The following SLC25A36 variants were observed in gnomAD, a reference collection of about 807,000 sequenced individuals.
SLC25A36 encodes solute carrier family 25 member 36, also known as epididymis secretory sperm binding protein.
Under a neutral mutation model 35.3 loss-of-function variants are expected in SLC25A36, and 24 were observed. The ratio of observed to expected loss-of-function variants is 0.68; its 90% CI spans 0.49 to 0.96. The LOEUF is 0.96. Ranked by LOEUF, SLC25A36 falls within the 40% of genes least tolerant of loss-of-function variation. The pLI is 0.00. For synonymous variants in SLC25A36, 141 were observed against 132.2 expected (o/e 1.07, Z -0.46); for missense variants, 294 against 381.1 (o/e 0.77, Z 1.90).
At position 140,959,464 on chromosome 3, in the gene SLC25A36, G is replaced by A. The variant is rs1284500180; in HGVS notation, c.208G>A (p.Val70Met). 1.7e-5 allele frequency: 25 copies of A among 1,504,866 alleles called. No homozygotes were observed. Among genetic ancestry groups the A allele is most frequent in the Non-Finnish European group, 2.1e-5 (24 of 1,129,730 alleles). 93.2% of individuals were successfully genotyped at this position (1,504,866 alleles called of 1,614,324 possible). ...VSPGPLHCLK[V>M]ILEKEGPRSL... is the part of the protein sequence containing the mutation. ...TAGAATTTTTTTTCTCTCTTTCAGG[G>A]TGATCTTGGAAAAAGAAGGGCCTCG... is the stretch of plus-strand genomic sequence containing the variant. Residue 70 changes from valine (V) to methionine (M), a missense_variant and splice_region_variant, in exon 3 of 7, where the codon GTG (valine) becomes ATG (methionine). Transcript: ENST00000324194.
chr3:140,958,679 A>G (rs1002027864), intron 2 of SLC25A36, among the ~76,000 whole-genome samples: 4 of 152,212 alleles, frequency 2.6e-5, no homozygotes, highest in Non-Finnish European at 5.9e-5. Context: ...ATACTGTAGT[A>G]GTAAGAAGTA....
intron 6 of SLC25A36, among the ~76,000 whole-genome samples, chr3:140,975,405 G>C (rs889903328): frequency 6.6e-6 from 1 of 152,036 alleles, no homozygotes; most frequent in Non-Finnish European, 1.5e-5. Context: ...CACCACACCT[G>C]TCCAAACAGG....
chr3:140,950,519 ATCT>A (rs1259785833), intron 1 of SLC25A36, among the ~76,000 whole-genome samples: 9 of 151,862 alleles, frequency 5.9e-5, no homozygotes, highest in African/African-American at 1.9e-4. Context: ...CCCTACCACC[ATCT>A]TCTTTTAGTT....
At chr3:140,945,560 C>A (rs72991036) in intron 1 of SLC25A36, among the ~76,000 whole-genome samples, 1 of 152,060 alleles carries the variant, frequency 6.6e-6, no homozygotes, top group East Asian at 1.9e-4. Flanking sequence ...TCTTGAGACC[C>A]TTGTTGTGGT....
Position 140,956,810 on chromosome 3 carries a change from T to A in SLC25A36, c.206+119T>A, listed in dbSNP as rs1243372164. 2.1e-6 allele frequency: 3 copies of A among 1,404,836 alleles called. No homozygotes were observed. In the Admixed American group the frequency reaches 8.3e-5, roughly 39 times the overall value. 87.0% of individuals were successfully genotyped at this position (1,404,836 alleles called of 1,614,324 possible). ...TTTTTTATAAACCTATTTACAGAAG[T>A]TACTCTGAATTGTACTCATAAGGAA... On this transcript the variant is annotated intron_variant, in intron 2 of 6. Coordinates refer to ENST00000324194, the MANE Select transcript of SLC25A36 (RefSeq NM_001104647.3).
At position 140,956,506 on chromosome 3, in the gene SLC25A36, CTTTTTTT is replaced by C. The variant is rs75174363; in HGVS notation, c.42-9_42-3del. ...ATGAATTAAGTAGATAAGCTGTGTT[CTTTTTTT>C]TTTTTTTTTTTAGATGTGGTGGTAC... On this transcript the variant is annotated splice_polypyrimidine_tract_variant and intron_variant, in intron 1 of 6. Coordinates refer to ENST00000324194, the MANE Select transcript of SLC25A36 (RefSeq NM_001104647.3). 13 of 1,424,576 alleles carry C rather than the reference CTTTTTTT, an allele frequency of 9.1e-6. No individual in the cohort carries two copies. Among genetic ancestry groups the C allele is most frequent in the African/African-American group, 1.6e-5 (1 of 62,870 alleles). The allele number at this position is 1,424,576 out of a possible 1,614,324, so 88.2% of individuals were successfully genotyped here. A position where few individuals can be genotyped will look rare whatever the true frequency, so the allele number is the denominator to read the frequency against.
Position 140,973,798 on chromosome 3 carries a change from G to A in SLC25A36, c.535G>A (p.Gly179Ser). The change falls in exon 6 of 7, where the codon GGC (glycine) becomes AGC (serine). Residue 179 changes from glycine (G) to serine (S), a missense_variant. Physicochemically the swap from Gly to Ser is moderately conservative, Grantham distance 56 (BLOSUM62 0). Around this residue, in one of 2 missense-constraint regions of SLC25A36, gnomAD observed 109 missense variants for 179.7 expected, o/e 0.61. Coordinates refer to ENST00000324194, the MANE Select transcript of SLC25A36 (RefSeq NM_001104647.3). ...QTDGLKGFYR[G>S]MSASYAGISE... is the part of the protein sequence containing the mutation. ...AGATGGACTAAAAGGATTTTATAGGGGCATGTCTGCTTCATATGCTGGTAT... is the reference window on the plus strand; with the variant it reads ...AGATGGACTAAAAGGATTTTATAGGAGCATGTCTGCTTCATATGCTGGTAT... 1.2e-6 allele frequency: 2 copies of A among 1,613,108 alleles called. No individual in the cohort carries two copies. The highest frequency in any genetic ancestry group is 1.7e-6 in the Non-Finnish European group (2 of 1,179,486).
At chr3:140,952,363 C>G (rs145651133) in intron 1 of SLC25A36, among the ~76,000 whole-genome samples, 1 of 152,208 alleles carries the variant, frequency 6.6e-6, no homozygotes, top group East Asian at 1.9e-4. Context: ...GTTGCTTAGG[C>G]TGGTTTCAAA....
chr3:140,970,813 G>A (rs898152199), intron 4 of SLC25A36, 114 bp from the exon 5 acceptor site: 14 of 562,516 alleles, frequency 2.5e-5, no homozygotes, highest in Admixed American at 6.0e-5. Flanking sequence ...ACATAAATTA[G>A]TAGTTTATTT....
At chr3:140,960,384 G>A (rs763379633) in intron 3 of SLC25A36, among the ~76,000 whole-genome samples, 2 of 152,086 alleles carry the variant, frequency 1.3e-5, no homozygotes, top group Non-Finnish European at 2.9e-5. Flanking sequence ...AGGATATCTC[G>A]ACTTTTTCTG....
At position 140,979,463 on chromosome 3, in the gene SLC25A36, T is replaced by C. The variant is rs1254277816; in HGVS notation, c.*3010T>C. On this transcript the variant is annotated 3_prime_UTR_variant, in exon 7 of 7. Transcript: ENST00000324194. ...CTGTTAGTAATCTAGGGACCCCCTT[T>C]GGAGCTGATAAGTACAGTTCAGCCT... 1 of 152,198 alleles carries C rather than the reference T, an allele frequency of 6.6e-6. No individual in the cohort carries two copies. Among genetic ancestry groups the C allele is most frequent in the Non-Finnish European group, 1.5e-5 (1 of 68,020 alleles). 9.4% of individuals were successfully genotyped at this position (152,198 alleles called of 1,614,324 possible). A position where few individuals can be genotyped will look rare whatever the true frequency, so the allele number is the denominator to read the frequency against.
chr3:140,977,015 A>C lies in SLC25A36; in HGVS notation c.*562A>C, dbSNP rs1322213081. ...CTAAATATCTTGTATATTTTTTAGC[A>C]TCAAAATGTTTTGGTTTCCACTGCT... is the stretch of plus-strand genomic sequence containing the variant. On this transcript the variant is annotated 3_prime_UTR_variant, in exon 7 of 7. Coordinates refer to ENST00000324194, the MANE Select transcript of SLC25A36 (RefSeq NM_001104647.3). The C allele has an allele frequency of 6.6e-6, 1 of 152,230 alleles. No individual in the cohort carries two copies. Among genetic ancestry groups the C allele is most frequent in the African/African-American group, 2.4e-5 (1 of 41,454 alleles). 9.4% of individuals were successfully genotyped at this position (152,230 alleles called of 1,614,324 possible).
At chr3:140,973,461 C>T (rs1241874527) in intron 5 of SLC25A36, among the ~76,000 whole-genome samples, 1 of 151,986 alleles carries the variant, frequency 6.6e-6, no homozygotes. Flanking sequence ...CATGTGAACC[C>T]CAATGAGGAC....
chr3:140,957,240 G>A (rs1020127023), intron 2 of SLC25A36, among the ~76,000 whole-genome samples: 4 of 152,120 alleles, frequency 2.6e-5, no homozygotes, highest in Non-Finnish European at 4.4e-5. Context: ...ATTAGGTTTC[G>A]TATGTTTATA....
In SLC25A36 at chr3:140,975,403, C is replaced by T. The variant is rs142160747; in HGVS notation, c.743-857C>T. Among the ~76,000 whole-genome samples the T allele has an allele frequency of 2.7e-3, 411 of 152,224 alleles. 7 individuals are homozygous for T. The highest frequency in any genetic ancestry group is 9.5e-3 in the African/African-American group (396 of 41,546). ...CAGGCTCAGGCATGAGCCACCACAC[C>T]TGTCCAAACAGGACATTTTGGAGTT... On this transcript the variant is annotated intron_variant, in intron 6 of 6. Coordinates refer to ENST00000324194, the MANE Select transcript of SLC25A36 (RefSeq NM_001104647.3).
chr3:140,954,186 A>G (rs2107790266), intron 1 of SLC25A36, among the ~76,000 whole-genome samples: 2 of 152,314 alleles, frequency 1.3e-5, no homozygotes, highest in Middle Eastern at 6.8e-3. Context: ...TTTTGTGCTT[A>G]GCTTTTTCAA....
At position 140,976,493 on chromosome 3, in the gene SLC25A36, A is replaced by C. The variant is rs1008421585; in HGVS notation, c.*40A>C. The C allele has an allele frequency of 5.9e-6, 9 of 1,538,258 alleles. No homozygotes were observed. Among genetic ancestry groups the C allele is most frequent in the Non-Finnish European group, 7.9e-6 (9 of 1,138,544 alleles). ...CTGTACTGCAAAAAAAGAAGACCAA[A>C]AGATTACAGTGGACCATGGGATACA... On this transcript the variant is annotated 3_prime_UTR_variant, in exon 7 of 7. Transcript: ENST00000324194.
intron 1 of SLC25A36, among the ~76,000 whole-genome samples, chr3:140,955,670 T>G (rs1303702109): frequency 6.6e-6 from 1 of 152,006 alleles, no homozygotes; most frequent in Non-Finnish European, 1.5e-5. Context: ...GCCTGACAGG[T>G]ATTAATTGTG....
rs1004613871 is a variant in SLC25A36 at position 140,977,179 on chromosome 3, T to C, written c.*726T>C. ...TCACTGACTGCGGCATGTCCTCGTG[T>C]CTTCTCTGATTTTGTGGTACATGAA... On this transcript the variant is annotated 3_prime_UTR_variant, in exon 7 of 7. Transcript: ENST00000324194. 4 of 152,180 alleles carry C rather than the reference T, an allele frequency of 2.6e-5. No individual in the cohort carries two copies. The highest frequency in any genetic ancestry group is 7.2e-5 in the African/African-American group (3 of 41,456). The allele number at this position is 152,180 out of a possible 1,614,324, so 9.4% of individuals were successfully genotyped here.
Sources: gnomAD v4.1 joint callset for allele counts (sites outside exome capture counted in the v4.1 genomes callset) on GRCh38, gnomAD v4.1.1 for gene constraint, gnomAD v4.1.1 regional missense constraint, MANE v1.5 for transcripts, NCBI Gene and HGNC (gene_info 2026-07-23, HGNC 2026-07-21) for gene names.